The following TRMU variants were observed in gnomAD, a reference collection of about 807,000 sequenced individuals.
TRMU encodes the protein tRNA mitochondrial 2-thiouridylase, also known as mitochondrial tRNA-specific 2-thiouridylase 1.
A neutral mutation model predicts 46.9 loss-of-function variants in TRMU; 49 were observed. That is an observed-to-expected ratio of 1.05 (90% CI 0.83 to 1.33). The LOEUF (loss-of-function observed/expected upper bound fraction) is 1.33, where lower values mean the gene tolerates loss of function less well. TRMU is among the 40% of genes most tolerant of loss of function. The pLI, the probability that TRMU is intolerant of heterozygous loss-of-function variation, is 0.00. For synonymous variants in TRMU, 241 were observed against 200.9 expected (o/e 1.20, Z -1.69); for missense variants, 572 against 532.4 (o/e 1.07, Z -0.73).
chr22:46,355,311 A>G lies in TRMU; in HGVS notation c.874-133A>G. 5.1e-6 allele frequency: 7 copies of G among 1,376,786 alleles called. No homozygotes were observed. In the South Asian group the frequency reaches 7.5e-5, roughly 15 times the overall value. 85.3% of individuals were successfully genotyped at this position (1,376,786 alleles called of 1,614,324 possible). A position where few individuals can be genotyped will look rare whatever the true frequency, so the allele number is the denominator to read the frequency against. Reference sequence around the variant, plus strand: ...TGAGATGAATTTCTGTGGGTAGAACACTTCGAGCGGTGCCAGCACCGTTAC... The same window carrying G: ...TGAGATGAATTTCTGTGGGTAGAACGCTTCGAGCGGTGCCAGCACCGTTAC... On this transcript the variant is annotated intron_variant, in intron 8 of 10. Transcript: ENST00000645190.
rs1017928289 is a variant in TRMU at position 46,351,965 on chromosome 22, T to C, written c.652-156T>C. The C allele has an allele frequency of 1.7e-5, 14 of 816,618 alleles. No homozygotes were observed. The highest frequency in any genetic ancestry group is 2.8e-5 in the Non-Finnish European group (13 of 468,112). The allele number at this position is 816,618 out of a possible 1,614,324, so 50.6% of individuals were successfully genotyped here. ...TGGCATCGTGTGCGCCGGCTGTGACTGGCGGCCGAGGGTGCCGGTGGGCAG... is the reference window on the plus strand; with the variant it reads ...TGGCATCGTGTGCGCCGGCTGTGACCGGCGGCCGAGGGTGCCGGTGGGCAG... On this transcript the variant is annotated intron_variant, in intron 5 of 10. Transcript: ENST00000645190. The surrounding 1 kb of genome is among the most constrained non-coding windows in gnomAD (Gnocchi z 6.4).
At chr22:46,353,721 G>A in intron 7 of TRMU, 46 bp from the exon 8 acceptor site, 1 of 1,573,712 alleles carries the variant, frequency 6.4e-7, no homozygotes, top group Middle Eastern at 1.7e-4. Context: ...TGACATGTGG[G>A]CTGTAACTTG....
In TRMU at chr22:46,356,006, C is replaced by T. The variant is rs1171975938; in HGVS notation, c.1035C>T (p.Thr345=). Residue 345 remains threonine (T), a synonymous_variant, in exon 10 of 11, where the codon ACC becomes ACT. Coordinates refer to ENST00000645190, the MANE Select transcript of TRMU (RefSeq NM_018006.5). ...HQMALVPCVL[T]LNQDGTVWVT... is the part of the protein sequence containing the mutation. ...TCTACCCAGTGCCCTGTGTGCTGACCCTCAATCAAGATGGCACCGTGTGGG... is the reference window on the plus strand; with the variant it reads ...TCTACCCAGTGCCCTGTGTGCTGACTCTCAATCAAGATGGCACCGTGTGGG... The T allele has an allele frequency of 1.9e-6, 3 of 1,613,948 alleles. No individual in the cohort carries two copies. The highest frequency in any genetic ancestry group is 2.5e-6 in the Non-Finnish European group (3 of 1,179,976).
Position 46,355,455 on chromosome 22 carries a change from A to G in TRMU, c.885A>G (p.Thr295=), listed in dbSNP as rs2147113254. ...VKGDVFVAPR[T]DHPALYRDLL... is the part of the protein sequence containing the mutation. ...ATTCCATTCTGCAGGCCCCCCGGAC[A>G]GACCACCCAGCCCTGTACAGGGACC... Residue 295 remains threonine (T), a synonymous_variant, in exon 9 of 11, where the codon ACA becomes ACG. Coordinates refer to ENST00000645190, the MANE Select transcript of TRMU (RefSeq NM_018006.5). The G allele has an allele frequency of 6.2e-7, 1 of 1,612,798 alleles. No homozygotes were observed. Among genetic ancestry groups the G allele is most frequent in the South Asian group, 1.1e-5 (1 of 91,068 alleles).
chr22:46,357,238 C>T lies in TRMU; in HGVS notation c.*232C>T, dbSNP rs147000973. On this transcript the variant is annotated 3_prime_UTR_variant, in exon 11 of 11. Coordinates refer to ENST00000645190, the MANE Select transcript of TRMU (RefSeq NM_018006.5). Reference sequence around the variant, plus strand: ...CTGGCTGGTGGGGTGGCCCGAGTTCCCCTTCACCGCCCCCAGGGAGGGTTT... The same window carrying T: ...CTGGCTGGTGGGGTGGCCCGAGTTCTCCTTCACCGCCCCCAGGGAGGGTTT... 3.3e-5 allele frequency: 20 copies of T among 607,924 alleles called. No individual in the cohort carries two copies. In the African/African-American group the frequency reaches 3.5e-4, roughly 11 times the overall value. 37.7% of individuals were successfully genotyped at this position (607,924 alleles called of 1,614,324 possible).
rs918738092 is a variant in TRMU at position 46,351,858 on chromosome 22, T to A, written c.652-263T>A. The A allele has an allele frequency of 5.3e-6, 3 of 566,662 alleles. No individual in the cohort carries two copies. The highest frequency in any genetic ancestry group is 1.9e-5 in the African/African-American group (1 of 53,122). 35.1% of individuals were successfully genotyped at this position (566,662 alleles called of 1,614,324 possible). On this transcript the variant is annotated intron_variant, in intron 5 of 10. Coordinates refer to ENST00000645190, the MANE Select transcript of TRMU (RefSeq NM_018006.5). The surrounding 1 kb of genome is among the most constrained non-coding windows in gnomAD (Gnocchi z 6.4). ...AAGGACCTGACCGGGTTCTGCTTTC[T>A]TCCCCGGGGCAGCTGGTGTGAGGGT...
At chr22:46,344,067 A>G (rs2078190825) in intron 3 of TRMU, among the ~76,000 whole-genome samples, 2 of 152,264 alleles carry the variant, frequency 1.3e-5, no homozygotes, top group African/African-American at 4.8e-5. Context: ...AAATTTCAAC[A>G]TTGGGCTAAC....
chr22:46,337,402 A>T (rs2078005948), intron 1 of TRMU, among the ~76,000 whole-genome samples: 1 of 152,190 alleles, frequency 6.6e-6, no homozygotes, highest in Non-Finnish European at 1.5e-5. Flanking sequence ...TAAGTCTTAG[A>T]TAGTAACTAG....
At chr22:46,356,196 T>A in intron 10 of TRMU, 124 bp downstream of exon 10, 1 of 1,075,608 alleles carries the variant, frequency 9.3e-7, no homozygotes, top group Non-Finnish European at 1.4e-6. Flanking sequence ...ACACAGCTGG[T>A]GAGGGCAGAG....
At position 46,350,164 on chromosome 22, in the gene TRMU, A is replaced by C; in HGVS notation, c.479-127A>C. 9.3e-7 allele frequency: 1 copy of C among 1,080,740 alleles called. No individual in the cohort carries two copies. Among genetic ancestry groups the C allele is most frequent in the South Asian group, 1.4e-5 (1 of 73,900 alleles). 66.9% of individuals were successfully genotyped at this position (1,080,740 alleles called of 1,614,324 possible). A position where few individuals can be genotyped will look rare whatever the true frequency, so the allele number is the denominator to read the frequency against. ...GGTGGTCTTTTCCCTAGTAGTTGCTATTGAGTGTTGATGTCTGCCTCTGAC... is the reference window on the plus strand; with the variant it reads ...GGTGGTCTTTTCCCTAGTAGTTGCTCTTGAGTGTTGATGTCTGCCTCTGAC... On this transcript the variant is annotated intron_variant, in intron 4 of 10. Transcript: ENST00000645190. The surrounding 1 kb of genome is among the most constrained non-coding windows in gnomAD (Gnocchi z 4.6).
chr22:46,352,440 T>A (rs942509476), intron 7 of TRMU, 110 bp downstream of exon 7: 1 of 1,381,422 alleles, frequency 7.2e-7, no homozygotes, highest in Non-Finnish European at 1.0e-6. Context: ...GGCTGGAGAA[T>A]TGTAGAAGGC....
chr22:46,355,815 G>A (rs2078586408), intron 9 of TRMU, 175 bp from the exon 10 acceptor site: 1 of 993,410 alleles, frequency 1.0e-6, no homozygotes, highest in South Asian at 1.4e-5. Flanking sequence ...GCTGAAGCAA[G>A]TGTGTACACT....
intron 2 of TRMU, 25 bp from the exon 3 acceptor site, chr22:46,343,237 C>A: frequency 4.2e-6 from 6 of 1,434,364 alleles, no homozygotes; most frequent in Non-Finnish European, 5.9e-6. Flanking sequence ...ACACTTGGAA[C>A]TGAAGTCATT....
Position 46,351,919 on chromosome 22 carries a change from A to G in TRMU, c.652-202A>G, listed in dbSNP as rs2147093262. 1 of 712,402 alleles carries G rather than the reference A, an allele frequency of 1.4e-6. No homozygotes were observed. Among genetic ancestry groups the G allele is most frequent in the Non-Finnish European group, 2.5e-6 (1 of 393,494 alleles). The allele number at this position is 712,402 out of a possible 1,614,324, so 44.1% of individuals were successfully genotyped here. A position where few individuals can be genotyped will look rare whatever the true frequency, so the allele number is the denominator to read the frequency against. On this transcript the variant is annotated intron_variant, in intron 5 of 10. Coordinates refer to ENST00000645190, the MANE Select transcript of TRMU (RefSeq NM_018006.5). This position sits in a 1 kb window ranked among gnomAD's most constrained non-coding sequence, Gnocchi z 6.4. ...GGGTCAGACCCCGCGGGCCGAGACAATGAGGCGTTCTCTAAGGCTCTGGCA... is the reference window on the plus strand; with the variant it reads ...GGGTCAGACCCCGCGGGCCGAGACAGTGAGGCGTTCTCTAAGGCTCTGGCA...
In TRMU at chr22:46,339,120, T is replaced by C. The variant is rs1163830465; in HGVS notation, c.248+1176T>C. Among the ~76,000 whole-genome samples the C allele has an allele frequency of 6.6e-6, 1 of 152,124 alleles. No individual in the cohort carries two copies. The highest frequency in any genetic ancestry group is 1.5e-5 in the Non-Finnish European group (1 of 68,022). On this transcript the variant is annotated intron_variant, in intron 2 of 10. Coordinates refer to ENST00000645190, the MANE Select transcript of TRMU (RefSeq NM_018006.5). The surrounding 1 kb of genome is among the most constrained non-coding windows in gnomAD (Gnocchi z 4.8). ...GTTCTAGTATGTATGCCTGGTATAT[T>C]AGTAAGCAGTCAATAAACATAGCTG...
rs1569078720 is a variant in TRMU, at chr22:46,350,727, G to T, written c.651+264G>T. On this transcript the variant is annotated intron_variant, in intron 5 of 10. Coordinates refer to ENST00000645190, the MANE Select transcript of TRMU (RefSeq NM_018006.5). The surrounding 1 kb of genome is among the most constrained non-coding windows in gnomAD (Gnocchi z 4.6). ...GTAGGCAGCTTTCCCCACAGCCTTA[G>T]CAGCTGGTGGGGTGCTCTTGGGATG... Among the ~76,000 whole-genome samples, 1 of 152,210 alleles carries T rather than the reference G, an allele frequency of 6.6e-6. No individual in the cohort carries two copies. The highest frequency in any genetic ancestry group is 1.5e-5 in the Non-Finnish European group (1 of 68,040).
chr22:46,355,279 C>A, intron 8 of TRMU, 165 bp from the exon 9 acceptor site: 3 of 1,076,536 alleles, frequency 2.8e-6, no homozygotes, highest in South Asian at 3.0e-5. Context: ...AAAGGCCCGG[C>A]GGGTGATGAG....
rs1569060096 is a variant in TRMU at position 46,337,795 on chromosome 22, G to A, written c.99G>A (p.Gly33=). 6.2e-7 allele frequency: 1 copy of A among 1,614,192 alleles called. No homozygotes were observed. The highest frequency in any genetic ancestry group is 1.1e-5 in the South Asian group (1 of 91,078). ...CGCCCGCAGGTTACCAGGTGACAGGGGTGTTTATGAAGAACTGGGACTCAC... is the reference window on the plus strand; with the variant it reads ...CGCCCGCAGGTTACCAGGTGACAGGAGTGTTTATGAAGAACTGGGACTCAC... ...LLRRRGYQVT[G]VFMKNWDSLD... The change falls in exon 2 of 11, where the codon GGG becomes GGA. Residue 33 remains glycine, a synonymous_variant. Transcript: ENST00000645190.
intron 8 of TRMU, chr22:46,355,074 C>T (rs1270293010): frequency 2.8e-6 from 1 of 352,656 alleles, no homozygotes; most frequent in African/African-American, 2.1e-5. Flanking sequence ...GCCCCTGTCC[C>T]TGCGAATAGA....
Sources: gnomAD v4.1 joint callset for allele counts (sites outside exome capture counted in the v4.1 genomes callset) on GRCh38, gnomAD v4.1.1 for gene constraint, Gnocchi (gnomAD v3.1) non-coding constraint, MANE v1.5 for transcripts, NCBI Gene and HGNC (gene_info 2026-07-23, HGNC 2026-07-21) for gene names.